TUBGCP4: variants seen among roughly 807,000 people sequenced by gnomAD.
TUBGCP4 encodes gamma-tubulin complex component 4.
In TUBGCP4, 54 loss-of-function variants were observed where a neutral mutation model predicts 91.6. That is an observed-to-expected ratio of 0.59 (90% confidence interval 0.47 to 0.74). TUBGCP4 has a LOEUF of 0.74. TUBGCP4 is among the 30% of genes least tolerant of loss of function. TUBGCP4 has a pLI of 0.00. For missense variants in TUBGCP4, 593 were observed against 800.9 expected (o/e 0.74, Z 3.13); for synonymous variants, 297 against 302.8 (o/e 0.98, Z 0.20).
chr15:43,409,030 ACAGGAAGTAC>A lies in TUBGCP4; in HGVS notation c.*3817_*3826del. On this transcript the variant is annotated 3_prime_UTR_variant, in exon 18 of 18. Transcript: ENST00000564079. ...ACACAAGGAATCCCACTGGCAAGGC[ACAGGAAGTAC>A]TTCCGGGTTCGACAATGCTGATCCG... 6.2e-7 allele frequency: 1 copy of A among 1,614,214 alleles called. No homozygotes were observed. The highest frequency in any genetic ancestry group is 8.5e-7 in the Non-Finnish European group (1 of 1,180,018).
Position 43,409,225 on chromosome 15 carries a change from A to G in TUBGCP4, c.*4011A>G, listed in dbSNP as rs45556736. 781 of 801,140 alleles carry G rather than the reference A, an allele frequency of 9.7e-4. 4 individuals are homozygous for G. In the African/African-American group the frequency reaches 0.012, roughly 12 times the overall value. 49.6% of individuals were successfully genotyped at this position (801,140 alleles called of 1,614,324 possible). ...TACTACCCAAAATGTGATTTAGTCT[A>G]TCCTGCCCAAGGCCACTCTTCTCAC... On this transcript the variant is annotated 3_prime_UTR_variant, in exon 18 of 18. Transcript: ENST00000564079.
Position 43,403,812 on chromosome 15 carries a change from G to A in TUBGCP4, c.1848+13G>A. On this transcript the variant is annotated intron_variant, in intron 16 of 17. Transcript: ENST00000564079. ...CATTCTCGTGAAGGTGCGTCTGCCTGGAAGTATGCAGCCTTGCCGAAAGGA... is the reference window on the plus strand; with the variant it reads ...CATTCTCGTGAAGGTGCGTCTGCCTAGAAGTATGCAGCCTTGCCGAAAGGA... 1 of 1,595,440 alleles carries A rather than the reference G, an allele frequency of 6.3e-7. No homozygotes were observed. Among genetic ancestry groups the A allele is most frequent in the South Asian group, 1.1e-5 (1 of 90,694 alleles).
chr15:43,380,839 A>C (rs1252789716), intron 6 of TUBGCP4, among the ~76,000 whole-genome samples: 2 of 152,234 alleles, frequency 1.3e-5, no homozygotes, highest in East Asian at 3.8e-4. Flanking sequence ...GTAGAGTATA[A>C]TCAAAGACTG....
chr15:43,397,713 T>A (rs1272317685), intron 12 of TUBGCP4, among the ~76,000 whole-genome samples: 1 of 152,184 alleles, frequency 6.6e-6, no homozygotes, highest in Non-Finnish European at 1.5e-5. Context: ...CATTGAGCTC[T>A]GTTGCTTTTC....
Position 43,398,329 on chromosome 15 carries a change from TA to T in TUBGCP4, c.1418+152del, listed in dbSNP as rs149016953. 4.0e-3 allele frequency: 3,105 copies of T among 767,270 alleles called. 79 individuals carry two copies. In the African/African-American group the frequency reaches 0.05, roughly 12 times the overall value. The allele number at this position is 767,270 out of a possible 1,614,324, so 47.5% of individuals were successfully genotyped here. On this transcript the variant is annotated intron_variant, in intron 13 of 17. Coordinates refer to ENST00000564079, the MANE Select transcript of TUBGCP4 (RefSeq NM_014444.5). ...CCAGAGCCTGAGCAGGAGGATCCCT[TA>T]AGCCCAGGATTTCAAATCCATCCTG...
In TUBGCP4 at chr15:43,407,850, C is replaced by T; in HGVS notation, c.*2636C>T. ...TCTAAGAAACATGGATACGGTCAAC[C>T]TATTAGGCCTGAGCCTTGGACCACA... On this transcript the variant is annotated 3_prime_UTR_variant, in exon 18 of 18. Transcript: ENST00000564079. The T allele has an allele frequency of 7.7e-7, 1 of 1,292,930 alleles. No homozygotes were observed. The highest frequency in any genetic ancestry group is 1.4e-5 in the South Asian group (1 of 69,482). The allele number at this position is 1,292,930 out of a possible 1,614,324, so 80.1% of individuals were successfully genotyped here. A position where few individuals can be genotyped will look rare whatever the true frequency, so the allele number is the denominator to read the frequency against.
intron 1 of TUBGCP4, among the ~76,000 whole-genome samples, chr15:43,373,895 G>T (rs890358476): frequency 6.6e-6 from 1 of 151,928 alleles, no homozygotes; most frequent in Non-Finnish European, 1.5e-5. Context: ...CTCGTGATCC[G>T]CCCACCTCGG....
rs3213990 is a variant in TUBGCP4, at chr15:43,378,028, C to A, written c.441+125C>A. 123,762 of 688,266 alleles carry A rather than the reference C, an allele frequency of 0.18. 18,430 individuals are homozygous for A. The highest frequency in any genetic ancestry group is 0.59 in the African/African-American group (31,414 of 53,244). 42.6% of individuals were successfully genotyped at this position (688,266 alleles called of 1,614,324 possible). On this transcript the variant is annotated intron_variant, in intron 5 of 17. Transcript: ENST00000564079. Reference sequence around the variant, plus strand: ...AGTTTTTATTTATTCATTCATTTAACAATATCTGCTTGGTTATCATGTTAA... The same window carrying A: ...AGTTTTTATTTATTCATTCATTTAAAAATATCTGCTTGGTTATCATGTTAA...
At chr15:43,374,419 CG>C (rs2044171020) in intron 1 of TUBGCP4, among the ~76,000 whole-genome samples, 1 of 151,884 alleles carries the variant, frequency 6.6e-6, no homozygotes, top group African/African-American at 2.4e-5. Context: ...GGCTAGCCTG[CG>C]CAACAGAGCA....
At chr15:43,383,555 C>T (rs1410354858) in intron 7 of TUBGCP4, 51 bp downstream of exon 7, 2 of 1,488,538 alleles carry the variant, frequency 1.3e-6, no homozygotes, top group Non-Finnish European at 9.0e-7. Context: ...GTCAGAAAAG[C>T]ATGCACACAA....
In TUBGCP4 at chr15:43,386,318, C is replaced by T. The variant is rs202117466; in HGVS notation, c.1002C>T (p.Ser334=). The change falls in exon 9 of 18, where the codon AGC becomes AGT. Residue 334 remains serine (S), a synonymous_variant. Transcript: ENST00000564079. ...DFEQVVDRIR[S]TVAEHLWKLM... is the part of the protein sequence containing the mutation. ...AACAGGTGGTGGATCGCATTCGCAG[C>T]ACTGTGGCTGAGGTTTGTGTTTCAT... is the stretch of plus-strand genomic sequence containing the variant. The T allele has an allele frequency of 8.7e-6, 13 of 1,489,452 alleles. No individual in the cohort carries two copies. The African/African-American group carries it at 1.8e-4, about 20-fold the overall frequency. The allele number at this position is 1,489,452 out of a possible 1,614,324, so 92.3% of individuals were successfully genotyped here.
At chr15:43,395,442 T>C (rs1808359433) in intron 10 of TUBGCP4, 141 bp from the exon 11 acceptor site, 1 of 743,752 alleles carries the variant, frequency 1.3e-6, no homozygotes, top group Non-Finnish European at 2.3e-6. Context: ...TATGCCTCTT[T>C]GAAATGCCAA....
chr15:43,403,157 A>G (rs2044726735), intron 15 of TUBGCP4: 1 of 152,216 alleles, frequency 6.6e-6, no homozygotes, highest in Admixed American at 6.5e-5. Context: ...GGAGCTCACA[A>G]TCTAGTTGGA....
chr15:43,381,982 G>C (rs1438168814), intron 6 of TUBGCP4, among the ~76,000 whole-genome samples: 1 of 152,132 alleles, frequency 6.6e-6, no homozygotes, highest in Non-Finnish European at 1.5e-5. Flanking sequence ...CTAGCACTTT[G>C]AGAGGCCAAG....
intron 9 of TUBGCP4, among the ~76,000 whole-genome samples, chr15:43,393,581 T>A (rs139784177): frequency 5.1e-4 from 78 of 152,284 alleles, no homozygotes; most frequent in African/African-American, 1.8e-3. Flanking sequence ...TATCTCCTAA[T>A]GCTATCCCTC....
rs1223341277 is a variant in TUBGCP4 at position 43,407,117 on chromosome 15, CG to C, written c.*1904del. On this transcript the variant is annotated 3_prime_UTR_variant, in exon 18 of 18. Transcript: ENST00000564079. ...TCAATTTCCTTGGCCAGCTGTCCTC[CG>C]TAAGTGAATAAGCCTGTTGAAAGAC... The C allele has an allele frequency of 3.2e-5, 12 of 376,402 alleles. No homozygotes were observed. In the East Asian group the frequency reaches 5.8e-4, roughly 18 times the overall value. 23.3% of individuals were successfully genotyped at this position (376,402 alleles called of 1,614,324 possible). A position where few individuals can be genotyped will look rare whatever the true frequency, so the allele number is the denominator to read the frequency against.
Position 43,404,456 on chromosome 15 carries a change from G to A in TUBGCP4, c.1892G>A (p.Ser631Asn). 6.2e-7 allele frequency: 1 copy of A among 1,614,172 alleles called. No individual in the cohort carries two copies. Among genetic ancestry groups the A allele is most frequent in the Non-Finnish European group, 8.5e-7 (1 of 1,180,026 alleles). Residue 631 changes from serine (S) to asparagine (N), a missense_variant, in exon 17 of 18, where the codon AGT becomes AAT. Physicochemically the swap from Ser to Asn is conservative, Grantham distance 46. Coordinates refer to ENST00000564079, the MANE Select transcript of TUBGCP4 (RefSeq NM_014444.5). ...QSSLLFKILSSVRNHQINSDL... is the reference protein window; with the variant it reads ...QSSLLFKILSNVRNHQINSDL... Reference sequence around the variant, plus strand: ...TCACTCCTGTTCAAGATTCTCTCCAGTGTTCGGAATCATCAGATCAACTCA... The same window carrying A: ...TCACTCCTGTTCAAGATTCTCTCCAATGTTCGGAATCATCAGATCAACTCA...
intron 3 of TUBGCP4, 63 bp from the exon 4 acceptor site, chr15:43,376,949 TTC>T: frequency 7.4e-7 from 1 of 1,351,822 alleles, no homozygotes; most frequent in Non-Finnish European, 1.1e-6. Flanking sequence ...TCTTCTCATT[TTC>T]ATAGATCAAA....
At chr15:43,377,974 A>G (rs2044234296) in intron 5 of TUBGCP4, 71 bp downstream of exon 5, 3 of 1,272,860 alleles carry the variant, frequency 2.4e-6, no homozygotes, top group Non-Finnish European at 3.3e-6. Context: ...TTTGCTTTAC[A>G]TTATTTTTCG....
Sources: gnomAD v4.1 joint callset for allele counts (sites outside exome capture counted in the v4.1 genomes callset) on GRCh38, gnomAD v4.1.1 for gene constraint, MANE v1.5 for transcripts, NCBI Gene and HGNC (gene_info 2026-07-23, HGNC 2026-07-21) for gene names.